Variants in CCSER1 observed in about 807,000 individuals in gnomAD.
CCSER1 encodes the protein coiled-coil serine rich protein 1.
CCSER1 carries 41 observed loss-of-function variants against 82.0 expected under a neutral mutation model. The observed-to-expected ratio is 0.50, with a 90% CI of 0.39 to 0.65. The LOEUF (loss-of-function observed/expected upper bound fraction) is 0.65, where lower values mean the gene tolerates loss of function less well. Ranked by LOEUF, CCSER1 falls within the 30% of genes least tolerant of loss-of-function variation. CCSER1 has a pLI of 0.00. For missense variants in CCSER1, 1,119 were observed against 1,064.2 expected (o/e 1.05, Z -0.72); for synonymous variants, 414 against 383.9 (o/e 1.08, Z -0.92).
intron 10 of CCSER1, among the ~76,000 whole-genome samples, chr4:91,202,716 TTAAA>T (rs1736003463): frequency 7.6e-5 from 2 of 26,184 alleles, no homozygotes; most frequent in African/African-American, 3.8e-4. Context: ...TGAGAGTATG[TTAAA>T]TAATACAAAC....
chr4:90,485,110 A>G (rs531689251), intron 5 of CCSER1, among the ~76,000 whole-genome samples: 206 of 152,192 alleles, frequency 1.4e-3, no homozygotes, highest in South Asian at 5.6e-3. Context: ...GCCACCTTGC[A>G]GTTTGATCTC....
intron 3 of CCSER1, among the ~76,000 whole-genome samples, chr4:90,329,991 G>C (rs1738984831): frequency 6.6e-6 from 1 of 151,692 alleles, no homozygotes; most frequent in South Asian, 2.1e-4. Flanking sequence ...ATTCAAAATA[G>C]GCAATAACTT....
intron 5 of CCSER1, among the ~76,000 whole-genome samples, chr4:90,525,964 A>G (rs916289194): frequency 1.3e-5 from 2 of 152,152 alleles, no homozygotes; most frequent in African/African-American, 4.8e-5. Flanking sequence ...TGTTTGTAGC[A>G]TCTATATTAT....
intron 10 of CCSER1, among the ~76,000 whole-genome samples, chr4:91,207,191 C>A (rs1210800666): frequency 6.6e-6 from 1 of 151,728 alleles, no homozygotes; most frequent in African/African-American, 2.4e-5. Context: ...AGAGAAGGAA[C>A]AATTAAGAGT....
In CCSER1 at chr4:91,480,970, G is replaced by A. The variant is rs76402554; in HGVS notation, c.2218-117602G>A. Among the ~76,000 whole-genome samples, 1,234 of 152,144 alleles carry A rather than the reference G, an allele frequency of 8.1e-3. 19 individuals are homozygous for A. The highest frequency in any genetic ancestry group is 0.029 in the African/African-American group (1,184 of 41,492). On this transcript the variant is annotated intron_variant, in intron 10 of 10. Transcript: ENST00000509176. Reference sequence around the variant, plus strand: ...TGTATGTGTGAGTGAGAGAGAGGAAGAGGGAGAGAGAGTCAGTCTTAGCCT... The same window carrying A: ...TGTATGTGTGAGTGAGAGAGAGGAAAAGGGAGAGAGAGTCAGTCTTAGCCT...
intron 6 of CCSER1, among the ~76,000 whole-genome samples, chr4:90,685,147 G>A (rs913925704): frequency 3.3e-5 from 5 of 152,012 alleles, no homozygotes; most frequent in African/African-American, 9.7e-5. Flanking sequence ...TGAGCTTCAG[G>A]CATATAACAA....
intron 4 of CCSER1, among the ~76,000 whole-genome samples, chr4:90,427,524 T>G (rs2153564607): frequency 6.6e-6 from 1 of 151,686 alleles, no homozygotes; most frequent in South Asian, 2.1e-4. Flanking sequence ...TACAAGGCCC[T>G]TCTATGGCAC....
chr4:90,794,912 A>G (rs753378871), intron 7 of CCSER1, among the ~76,000 whole-genome samples: 1 of 151,896 alleles, frequency 6.6e-6, no homozygotes, highest in Non-Finnish European at 1.5e-5. Flanking sequence ...TTCTAAGTAT[A>G]TTTTTGTGTG....
At chr4:90,853,544 G>A (rs1325330572) in intron 8 of CCSER1, among the ~76,000 whole-genome samples, 1 of 152,004 alleles carries the variant, frequency 6.6e-6, no homozygotes, top group African/African-American at 2.4e-5. Context: ...GGGTCATCTT[G>A]TGTTTTCTCT....
At chr4:90,898,354 C>T (rs1724068709) in intron 8 of CCSER1, among the ~76,000 whole-genome samples, 1 of 138,330 alleles carries the variant, frequency 7.2e-6, no homozygotes, top group Non-Finnish European at 1.5e-5. Flanking sequence ...ACGATCTCAG[C>T]TCACTGCAAA....
intron 10 of CCSER1, among the ~76,000 whole-genome samples, chr4:91,423,922 C>T (rs933390430): frequency 7.0e-6 from 1 of 143,344 alleles, no homozygotes; most frequent in Admixed American, 7.1e-5. Flanking sequence ...AGAAAGCCTG[C>T]AAAATAGCTG....
intron 6 of CCSER1, among the ~76,000 whole-genome samples, chr4:90,682,534 A>G (rs750216319): frequency 6.6e-6 from 1 of 152,064 alleles, no homozygotes; most frequent in Non-Finnish European, 1.5e-5. Flanking sequence ...TTCATATAAC[A>G]AAAGTTTACT....
intron 10 of CCSER1, among the ~76,000 whole-genome samples, chr4:91,087,107 C>G (rs1410445329): frequency 6.6e-6 from 1 of 152,074 alleles, no homozygotes; most frequent in African/African-American, 2.4e-5. Flanking sequence ...TGCTTTCATT[C>G]AGATGTAACC....
chr4:90,198,486 A>G (rs538166369), intron 1 of CCSER1, among the ~76,000 whole-genome samples: 12 of 152,274 alleles, frequency 7.9e-5, no homozygotes, highest in African/African-American at 2.6e-4. Context: ...AGGAATAGAA[A>G]CAGATTTTTT....
intron 6 of CCSER1, among the ~76,000 whole-genome samples, chr4:90,711,965 T>G (rs1248424401): frequency 1.3e-5 from 2 of 151,992 alleles, no homozygotes; most frequent in Non-Finnish European, 2.9e-5. Context: ...GGTCATGGGC[T>G]TTTTTTGTAT....
intron 5 of CCSER1, among the ~76,000 whole-genome samples, chr4:90,523,986 T>G (rs965974743): frequency 7.2e-5 from 11 of 152,158 alleles, no homozygotes; most frequent in African/African-American, 2.6e-4. Flanking sequence ...TCCATCTCTT[T>G]CCATATATGA....
At chr4:91,134,914 G>C (rs112918698) in intron 10 of CCSER1, among the ~76,000 whole-genome samples, 2 of 151,874 alleles carry the variant, frequency 1.3e-5, no homozygotes, top group African/African-American at 4.8e-5. Context: ...ACAAAAATTA[G>C]CTGGATGTGG....
chr4:90,856,050 T>C (rs1191607101), intron 8 of CCSER1, among the ~76,000 whole-genome samples: 1 of 152,170 alleles, frequency 6.6e-6, no homozygotes, highest in East Asian at 1.9e-4. Context: ...ATATTTCTAC[T>C]TTCAAATTAA....
chr4:91,425,515 TTAAA>T (rs957904463), intron 10 of CCSER1, among the ~76,000 whole-genome samples: 1 of 152,290 alleles, frequency 6.6e-6, no homozygotes, highest in Non-Finnish European at 1.5e-5. Flanking sequence ...AGTCTTGTAA[TTAAA>T]TAAAGTAATA....
Sources: gnomAD v4.1 joint callset for allele counts (sites outside exome capture counted in the v4.1 genomes callset) on GRCh38, gnomAD v4.1.1 for gene constraint, MANE v1.5 for transcripts, NCBI Gene and HGNC (gene_info 2026-07-23, HGNC 2026-07-21) for gene names.